NECTIN1: variants seen among roughly 807,000 people sequenced by gnomAD.
NECTIN1 encodes nectin cell adhesion molecule 1, also known as nectin-1.
Under a neutral mutation model 48.0 loss-of-function variants are expected in NECTIN1, and 23 were observed. That is an observed-to-expected ratio of 0.48 (90% CI 0.34 to 0.68). The LOEUF (loss-of-function observed/expected upper bound fraction) is 0.68. NECTIN1 is among the 30% of genes least tolerant of loss of function. The pLI, the probability that NECTIN1 is intolerant of heterozygous loss-of-function variation, is 0.01. For synonymous variants in NECTIN1, 270 were observed against 288.9 expected (o/e 0.93, Z 0.66); for missense variants, 591 against 709.9 (o/e 0.83, Z 1.90).
Position 119,728,946 on chromosome 11 carries a change from G to A in NECTIN1, c.-393C>T. 6.0e-6 allele frequency: 1 copy of A among 167,266 alleles called. No homozygotes were observed. Among genetic ancestry groups the A allele is most frequent in the South Asian group, 2.0e-4 (1 of 5,090 alleles). 10.4% of individuals were successfully genotyped at this position (167,266 alleles called of 1,614,324 possible). The stretch of plus-strand genomic sequence containing the variant: ...GGCCCCGGCCCGCTCACACCCTCCC[G>A]CTCGGCTCCAACTTGCAGGCGTCCA... On this transcript the variant is annotated 5_prime_UTR_variant, in exon 1 of 6. Coordinates refer to ENST00000264025, the MANE Select transcript of NECTIN1 (RefSeq NM_002855.5).
At chr11:119,701,514 A>G (rs1865451717) in intron 1 of NECTIN1, among the ~76,000 whole-genome samples, 1 of 152,184 alleles carries the variant, frequency 6.6e-6, no homozygotes, top group South Asian at 2.1e-4. Flanking sequence ...GAACGGGACC[A>G]CAGACCCCCT....
At chr11:119,647,788 C>T (rs1369008244) in intron 5 of NECTIN1, among the ~76,000 whole-genome samples, 9 of 152,176 alleles carry the variant, frequency 5.9e-5, no homozygotes, top group South Asian at 2.1e-4. Context: ...AGGGACTGGG[C>T]GCGGTGGCTC....
chr11:119,664,546 C>G lies in NECTIN1; in HGVS notation c.*201G>C. On this transcript the variant is annotated 3_prime_UTR_variant, in exon 6 of 6. Transcript: ENST00000264025. ...TCGAACACAACACCATGGGGAAGGGCGGAGGAGAGGGAGGAAATAAAACAC... is the reference window on the plus strand; with the variant it reads ...TCGAACACAACACCATGGGGAAGGGGGGAGGAGAGGGAGGAAATAAAACAC... 7.0e-7 allele frequency: 1 copy of G among 1,427,204 alleles called. No homozygotes were observed. Among genetic ancestry groups the G allele is most frequent in the South Asian group, 1.5e-5 (1 of 65,502 alleles). The allele number at this position is 1,427,204 out of a possible 1,614,324, so 88.4% of individuals were successfully genotyped here. A position where few individuals can be genotyped will look rare whatever the true frequency, so the allele number is the denominator to read the frequency against.
Position 119,664,583 on chromosome 11 carries a change from G to T in NECTIN1, c.*164C>A, listed in dbSNP as rs976313281. 2.8e-6 allele frequency: 4 copies of T among 1,437,428 alleles called. No individual in the cohort carries two copies. Among genetic ancestry groups the T allele is most frequent in the African/African-American group, 2.9e-5 (2 of 69,468 alleles). The allele number at this position is 1,437,428 out of a possible 1,614,324, so 89.0% of individuals were successfully genotyped here. The stretch of plus-strand genomic sequence containing the variant: ...AGGAAATAAAACACAAAGCCAAGTC[G>T]TGGCTGCCCTGGGCTCCCCTGGCCC... On this transcript the variant is annotated 3_prime_UTR_variant, in exon 6 of 6. Coordinates refer to ENST00000264025, the MANE Select transcript of NECTIN1 (RefSeq NM_002855.5).
At chr11:119,694,135 C>T (rs963693227) in intron 1 of NECTIN1, among the ~76,000 whole-genome samples, 2 of 152,144 alleles carry the variant, frequency 1.3e-5, no homozygotes. Context: ...CTGCTCTTGA[C>T]TCCCCATTCA....
At chr11:119,689,601 G>A (rs890549934) in intron 1 of NECTIN1, among the ~76,000 whole-genome samples, 2 of 152,224 alleles carry the variant, frequency 1.3e-5, no homozygotes, top group African/African-American at 2.4e-5. Flanking sequence ...AAGGCAACCT[G>A]ACTGTTCAGA....
intron 5 of NECTIN1, chr11:119,642,521 T>G (rs1206887014): frequency 6.5e-6 from 1 of 153,666 alleles, no homozygotes; most frequent in Non-Finnish European, 1.5e-5. Context: ...GAAACTTCTC[T>G]CAGAGGCTTT....
chr11:119,716,657 T>C (rs1865746690), intron 1 of NECTIN1, among the ~76,000 whole-genome samples: 1 of 152,196 alleles, frequency 6.6e-6, no homozygotes, highest in Non-Finnish European at 1.5e-5. Context: ...CCTTCGCCGG[T>C]TCTCTAACTG....
At chr11:119,671,457 G>A (rs1405383235) in intron 5 of NECTIN1, among the ~76,000 whole-genome samples, 2 of 152,148 alleles carry the variant, frequency 1.3e-5, no homozygotes, top group Non-Finnish European at 2.9e-5. Context: ...TTGGGGTCCT[G>A]GTTCTCTGAC....
At chr11:119,652,987 C>A (rs536683900) in intron 5 of NECTIN1, among the ~76,000 whole-genome samples, 1 of 152,306 alleles carries the variant, frequency 6.6e-6, no homozygotes, top group South Asian at 2.1e-4. Context: ...GGCTCACAGA[C>A]ATCATGTTGA....
Position 119,661,892 on chromosome 11 carries a change from T to G in NECTIN1, c.*2855A>C. The G allele has an allele frequency of 1.0e-6, 1 of 985,254 alleles. No individual in the cohort carries two copies. Among genetic ancestry groups the G allele is most frequent in the Non-Finnish European group, 1.2e-6 (1 of 829,902 alleles). The allele number at this position is 985,254 out of a possible 1,614,324, so 61.0% of individuals were successfully genotyped here. On this transcript the variant is annotated 3_prime_UTR_variant, in exon 6 of 6. Transcript: ENST00000264025. Reference sequence around the variant, plus strand: ...TGGGTGTGTTGGAGGTGTGAGTGTGTCCACTGTGGGCACACGTACTGGGTC... The same window carrying G: ...TGGGTGTGTTGGAGGTGTGAGTGTGGCCACTGTGGGCACACGTACTGGGTC...
chr11:119,663,939 G>A lies in NECTIN1; in HGVS notation c.*808C>T. On this transcript the variant is annotated 3_prime_UTR_variant, in exon 6 of 6. Transcript: ENST00000264025. Reference sequence around the variant, plus strand: ...TCCAGGGGAAAGCAGGCAGAGAGGAGCAGTGTGTGCATGTGTGTGTGTGTG... The same window carrying A: ...TCCAGGGGAAAGCAGGCAGAGAGGAACAGTGTGTGCATGTGTGTGTGTGTG... 2 of 986,572 alleles carry A rather than the reference G, an allele frequency of 2.0e-6. No homozygotes were observed. Among genetic ancestry groups the A allele is most frequent in the Non-Finnish European group, 2.4e-6 (2 of 830,814 alleles). The allele number at this position is 986,572 out of a possible 1,614,324, so 61.1% of individuals were successfully genotyped here.
chr11:119,698,828 A>G (rs568165003), intron 1 of NECTIN1, among the ~76,000 whole-genome samples: 2 of 152,164 alleles, frequency 1.3e-5, no homozygotes, highest in Non-Finnish European at 2.9e-5. Context: ...AGGATCATGG[A>G]CAGGGCTGCA....
At chr11:119,711,594 A>C (rs535693903) in intron 1 of NECTIN1, among the ~76,000 whole-genome samples, 1 of 152,174 alleles carries the variant, frequency 6.6e-6, no homozygotes, top group South Asian at 2.1e-4. Flanking sequence ...AGTAAATACT[A>C]AACAACACAG....
Position 119,669,455 on chromosome 11 carries a change from G to A in NECTIN1, c.1004-4158C>T, listed in dbSNP as rs527797340. ...ACCTTGAACCTGATCTCTTCTCACC[G>A]TCTCCATCACTACCACCCTGATCCA... On this transcript the variant is annotated intron_variant, in intron 5 of 5. Transcript: ENST00000264025. Among the ~76,000 whole-genome samples, 85 of 150,090 alleles carry A rather than the reference G, an allele frequency of 5.7e-4. No individual in the cohort carries two copies. In the South Asian group the frequency reaches 0.015, roughly 26 times the overall value.
chr11:119,691,614 G>A (rs749835592), intron 1 of NECTIN1, among the ~76,000 whole-genome samples: 13 of 152,328 alleles, frequency 8.5e-5, no homozygotes, highest in South Asian at 2.1e-4. Context: ...TGAAAGGGGC[G>A]GTGGGAAGGC....
intron 5 of NECTIN1, among the ~76,000 whole-genome samples, chr11:119,666,041 AG>A (rs1458537075): frequency 6.6e-6 from 1 of 152,176 alleles, no homozygotes; most frequent in African/African-American, 2.4e-5. Context: ...CTGGGCCTGC[AG>A]GGCAAGGTGG....
chr11:119,639,116 T>C (rs1864282738), intron 6 of NECTIN1, among the ~76,000 whole-genome samples: 1 of 152,162 alleles, frequency 6.6e-6, no homozygotes, highest in Non-Finnish European at 1.5e-5. Flanking sequence ...GCAGCAGCAC[T>C]GTGGGCCCTC....
At chr11:119,653,225 GA>G (rs1267434390) in intron 5 of NECTIN1, among the ~76,000 whole-genome samples, 1 of 152,138 alleles carries the variant, frequency 6.6e-6, no homozygotes, top group Non-Finnish European at 1.5e-5. Flanking sequence ...AAAAAAGCTT[GA>G]AAATGAAAAA....
Sources: allele counts gnomAD v4.1 joint callset (sites outside exome capture counted in the v4.1 genomes callset), GRCh38; gene constraint gnomAD v4.1.1; transcripts MANE v1.5; gene names NCBI Gene and HGNC (gene_info 2026-07-23, HGNC 2026-07-21).